The following MRPS27 variants were observed in gnomAD, a reference collection of about 807,000 sequenced individuals.
The protein encoded by MRPS27 is mitochondrial ribosomal protein S27, also known as small ribosomal subunit protein mS27.
A neutral mutation model predicts 48.9 loss-of-function variants in MRPS27; 43 were observed. The ratio of observed to expected loss-of-function variants is 0.88; its 90% CI spans 0.69 to 1.13. MRPS27 has a LOEUF of 1.13. MRPS27 is among the 50% of genes most tolerant of loss of function. The pLI is 0.00. For synonymous variants in MRPS27, 188 were observed against 171.9 expected (o/e 1.09, Z -0.73); for missense variants, 467 against 476.3 (o/e 0.98, Z 0.18).
intron 4 of MRPS27, among the ~76,000 whole-genome samples, chr5:72,248,243 T>G (rs1391176695): frequency 6.6e-6 from 1 of 152,186 alleles, no homozygotes; most frequent in Non-Finnish European, 1.5e-5. Flanking sequence ...AATGACCAAA[T>G]GCAAACTTCA....
intron 4 of MRPS27, among the ~76,000 whole-genome samples, chr5:72,287,008 G>A (rs529664402): frequency 7.2e-5 from 11 of 152,192 alleles, no homozygotes; most frequent in African/African-American, 2.4e-4. Flanking sequence ...GGAACTGGGC[G>A]GCACAGTAGG....
At chr5:72,315,248 TAAAAAAAAAGACA>T (rs1750535314) in intron 1 of MRPS27, among the ~76,000 whole-genome samples, 2 of 149,576 alleles carry the variant, frequency 1.3e-5, no homozygotes, top group East Asian at 3.9e-4. Context: ...AACTCAAAAA[TAAAAAAAAAGACA>T]ACCCAAATGA....
rs759100636 is a variant in MRPS27 at position 72,320,226 on chromosome 5, G to C, written c.-5C>G. 3.7e-6 allele frequency: 6 copies of C among 1,613,918 alleles called. No homozygotes were observed. In the South Asian group the frequency reaches 5.5e-5, roughly 15 times the overall value. On this transcript the variant is annotated 5_prime_UTR_variant, in exon 1 of 11. Coordinates refer to ENST00000261413, the MANE Select transcript of MRPS27 (RefSeq NM_015084.3). ...CCGCACTATGGAGGCAGCCATCTTG[G>C]AGCGTACCAAAAGGAACAGCCAACG...
intron 2 of MRPS27, among the ~76,000 whole-genome samples, chr5:72,307,281 G>A (rs1436302524): frequency 1.3e-5 from 2 of 152,204 alleles, no homozygotes; most frequent in Non-Finnish European, 2.9e-5. Context: ...GAACCTGGGA[G>A]GAGGAGGTTT....
chr5:72,315,540 G>A lies in MRPS27; in HGVS notation c.74-1382C>T, dbSNP rs375493599. On this transcript the variant is annotated intron_variant, in intron 1 of 10. Coordinates refer to ENST00000261413, the MANE Select transcript of MRPS27 (RefSeq NM_015084.3). Reference sequence around the variant, plus strand: ...CCACTGCACTCCAGCCTGGGCAACAGAGTGAGACTCTGTTTCGAAAAAAAA... The same window carrying A: ...CCACTGCACTCCAGCCTGGGCAACAAAGTGAGACTCTGTTTCGAAAAAAAA... Among the ~76,000 whole-genome samples the A allele has an allele frequency of 4.1e-5, 6 of 145,970 alleles. No individual in the cohort carries two copies. The East Asian group carries it at 6.0e-4, about 15-fold the overall frequency.
At chr5:72,225,909 TG>T in intron 9 of MRPS27, 147 bp downstream of exon 9, 1 of 750,466 alleles carries the variant, frequency 1.3e-6, no homozygotes, top group African/African-American at 1.7e-5. Context: ...AAAATGTTTG[TG>T]GTTTTGCATT....
intron 2 of MRPS27, among the ~76,000 whole-genome samples, chr5:72,306,701 T>C (rs1041667208): frequency 2.0e-5 from 3 of 152,212 alleles, no homozygotes; most frequent in Non-Finnish European, 2.9e-5. Flanking sequence ...TAATGGAATA[T>C]TTAATATTAC....
At chr5:72,313,979 C>T in intron 2 of MRPS27, 102 bp downstream of exon 2, 1 of 854,808 alleles carries the variant, frequency 1.2e-6, no homozygotes, top group South Asian at 1.9e-5. Flanking sequence ...TGAATTGAAA[C>T]ATCATAAAAG....
intron 1 of MRPS27, among the ~76,000 whole-genome samples, chr5:72,319,422 G>A (rs16877529): frequency 0.058 from 8,776 of 152,126 alleles, 789 homozygotes; most frequent in African/African-American, 0.2. Context: ...ACGAAGACCA[G>A]GGGTCCAGCT....
At position 72,297,673 on chromosome 5, in the gene MRPS27, A is replaced by T. The variant is rs1402526607; in HGVS notation, c.181T>A (p.Phe61Ile). 6.2e-7 allele frequency: 1 copy of T among 1,602,912 alleles called. No homozygotes were observed. Among genetic ancestry groups the T allele is most frequent in the Admixed American group, 1.7e-5 (1 of 59,016 alleles). The change falls in exon 3 of 11, where the codon TTT becomes ATT. Residue 61 changes from phenylalanine to isoleucine, a missense_variant. Coordinates refer to ENST00000261413, the MANE Select transcript of MRPS27 (RefSeq NM_015084.3). ...ADLASLMDKT[F>I]ERKLPVSSLT... ...GAACTAACAGGCAACTTTCTCTCAA[A>T]TGTTTTATCCATTAAAGATGCAAGA... is the stretch of plus-strand genomic sequence containing the variant.
intron 8 of MRPS27, 189 bp downstream of exon 8, chr5:72,228,077 T>C: frequency 1.7e-6 from 1 of 576,880 alleles, no homozygotes; most frequent in Non-Finnish European, 3.0e-6. Context: ...TGATGGCAGG[T>C]TTTAAGAACC....
Position 72,314,098 on chromosome 5 carries a change from T to G in MRPS27, c.134A>C (p.Lys45Thr). The G allele has an allele frequency of 1.2e-6, 2 of 1,613,024 alleles. No homozygotes were observed. Among genetic ancestry groups the G allele is most frequent in the Non-Finnish European group, 8.5e-7 (1 of 1,179,336 alleles). Reference sequence around the variant, plus strand: ...GTACCTACCAAGACAGTAATGTTCTTTTTCTCTTGCTTCCCATTTGTGGCT... The same window carrying G: ...GTACCTACCAAGACAGTAATGTTCTGTTTCTCTTGCTTCCCATTTGTGGCT... ...VDSHKWEARE[K>T]EHYCLADLAS... Residue 45 changes from lysine to threonine, a missense_variant, in exon 2 of 11, where the codon AAA becomes ACA. Coordinates refer to ENST00000261413, the MANE Select transcript of MRPS27 (RefSeq NM_015084.3).
chr5:72,266,355 T>C (rs1024374015), intron 4 of MRPS27, among the ~76,000 whole-genome samples: 4 of 152,146 alleles, frequency 2.6e-5, no homozygotes, highest in African/African-American at 4.8e-5. Context: ...GATTGCTAGA[T>C]ATAGTAAATA....
intron 4 of MRPS27, among the ~76,000 whole-genome samples, chr5:72,251,566 C>G (rs984349405): frequency 1.3e-5 from 2 of 152,160 alleles, no homozygotes; most frequent in African/African-American, 4.8e-5. Context: ...ACAAGATTAG[C>G]AAAGCACTCT....
chr5:72,308,464 G>C (rs1750342661), intron 2 of MRPS27, among the ~76,000 whole-genome samples: 2 of 152,220 alleles, frequency 1.3e-5, no homozygotes, highest in South Asian at 4.1e-4. Context: ...CCTCCGGCTG[G>C]CGGCGCCCAA....
intron 4 of MRPS27, among the ~76,000 whole-genome samples, chr5:72,264,996 G>C (rs1338183187): frequency 2.0e-5 from 3 of 152,208 alleles, no homozygotes; most frequent in Non-Finnish European, 4.4e-5. Flanking sequence ...ATGAACTTCA[G>C]AGTACTTCTA....
chr5:72,222,638 AT>A (rs1200202824), intron 10 of MRPS27: 1 of 152,128 alleles, frequency 6.6e-6, no homozygotes. Context: ...GGCTAAGGAG[AT>A]TTTTTTCTTT....
chr5:72,243,249 G>A (rs945970049), intron 4 of MRPS27, among the ~76,000 whole-genome samples: 17 of 152,170 alleles, frequency 1.1e-4, no homozygotes, highest in East Asian at 7.7e-4. Flanking sequence ...AGGAATGAGC[G>A]CTTCCTTGAA....
chr5:72,239,797 A>C (rs1227181124), intron 4 of MRPS27, among the ~76,000 whole-genome samples: 1 of 152,072 alleles, frequency 6.6e-6, no homozygotes, highest in South Asian at 2.1e-4. Context: ...CTTCCTCCTA[A>C]GCCTCTCGAG....
Sources: gnomAD v4.1 joint callset for allele counts (sites outside exome capture counted in the v4.1 genomes callset) on GRCh38, gnomAD v4.1.1 for gene constraint, MANE v1.5 for transcripts, NCBI Gene and HGNC (gene_info 2026-07-23, HGNC 2026-07-21) for gene names.